MGLL: variants seen among roughly 807,000 people sequenced by gnomAD.
MGLL encodes monoglyceride lipase.
A neutral mutation model predicts 29.1 loss-of-function variants in MGLL; 7 were observed. The ratio of observed to expected loss-of-function variants is 0.24; its 90% CI spans 0.14 to 0.45. The LOEUF (loss-of-function observed/expected upper bound fraction) is 0.45. Ranked by LOEUF, MGLL falls within the 20% of genes least tolerant of loss-of-function variation. The pLI is 0.99. For synonymous variants in MGLL, 148 were observed against 168.3 expected (o/e 0.88, Z 0.93); for missense variants, 356 against 413.6 (o/e 0.86, Z 1.21).
chr3:127,774,396 C>T (rs2076998404), intron 3 of MGLL, among the ~76,000 whole-genome samples: 1 of 152,230 alleles, frequency 6.6e-6, no homozygotes, highest in Non-Finnish European at 1.5e-5. Flanking sequence ...CATAACACCT[C>T]TCCTTATTCA....
intron 3 of MGLL, among the ~76,000 whole-genome samples, chr3:127,774,175 G>C (rs1246448719): frequency 6.6e-6 from 1 of 152,190 alleles, no homozygotes; most frequent in Non-Finnish European, 1.5e-5. Context: ...ATCCTGGCTT[G>C]CTGGCGACCT....
At chr3:127,815,402 TG>T (rs1357415615) in intron 2 of MGLL, among the ~76,000 whole-genome samples, 2 of 152,252 alleles carry the variant, frequency 1.3e-5, no homozygotes, top group Non-Finnish European at 2.9e-5. Flanking sequence ...CAGAGACACC[TG>T]GGAGTCACCC....
intron 2 of MGLL, among the ~76,000 whole-genome samples, chr3:127,782,689 G>A (rs1020976424): frequency 6.6e-6 from 1 of 152,220 alleles, no homozygotes; most frequent in African/African-American, 2.4e-5. Flanking sequence ...TCTCCTTCAG[G>A]CACGGAGTAA....
chr3:127,757,417 T>G (rs984249830), intron 3 of MGLL, among the ~76,000 whole-genome samples: 4 of 152,168 alleles, frequency 2.6e-5, no homozygotes, highest in African/African-American at 9.7e-5. Flanking sequence ...CCTAGGCATA[T>G]CCCAGTGCCT....
chr3:127,759,850 C>G (rs970204071), intron 3 of MGLL, among the ~76,000 whole-genome samples: 1 of 152,216 alleles, frequency 6.6e-6, no homozygotes, highest in Non-Finnish European at 1.5e-5. Context: ...CTGAATAAAA[C>G]CTTTAAGTGA....
At chr3:127,743,594 A>T (rs2076385829) in intron 3 of MGLL, among the ~76,000 whole-genome samples, 1 of 150,484 alleles carries the variant, frequency 6.6e-6, no homozygotes, top group South Asian at 2.1e-4. Context: ...AAAAAAAAAA[A>T]AAAAAGTCCA....
chr3:127,720,794 G>A (rs923191884), intron 5 of MGLL, among the ~76,000 whole-genome samples: 12 of 152,162 alleles, frequency 7.9e-5, no homozygotes, highest in Non-Finnish European at 1.2e-4. Context: ...GTCTAACCTC[G>A]TCTCCTTTTA....
At chr3:127,796,545 T>C (rs1195094263) in intron 2 of MGLL, among the ~76,000 whole-genome samples, 2 of 152,226 alleles carry the variant, frequency 1.3e-5, no homozygotes, top group Non-Finnish European at 2.9e-5. Flanking sequence ...GAAACCTCCC[T>C]GCTGCGTGAT....
intron 5 of MGLL, among the ~76,000 whole-genome samples, chr3:127,719,588 G>A (rs915245074): frequency 2.0e-5 from 3 of 152,202 alleles, no homozygotes; most frequent in East Asian, 1.9e-4. Context: ...GGAACGCAGC[G>A]GGAACGCCCC....
intron 2 of MGLL, among the ~76,000 whole-genome samples, chr3:127,782,635 T>A (rs1008864376): frequency 1.3e-5 from 2 of 152,136 alleles, no homozygotes; most frequent in Non-Finnish European, 2.9e-5. Flanking sequence ...CTATCCAATT[T>A]TCAAGACCTA....
At chr3:127,727,349 T>G (rs2076064700) in intron 3 of MGLL, among the ~76,000 whole-genome samples, 1 of 152,226 alleles carries the variant, frequency 6.6e-6, no homozygotes, top group African/African-American at 2.4e-5. Flanking sequence ...TTAATTCTTT[T>G]TTTTTTACAT....
chr3:127,748,687 T>C (rs1237599695), intron 3 of MGLL, among the ~76,000 whole-genome samples: 5 of 151,930 alleles, frequency 3.3e-5, no homozygotes, highest in Non-Finnish European at 7.4e-5. Flanking sequence ...GAACCAGCCC[T>C]AGCAACACAT....
intron 2 of MGLL, among the ~76,000 whole-genome samples, chr3:127,810,010 G>C (rs533188125): frequency 6.6e-6 from 1 of 151,290 alleles, no homozygotes; most frequent in South Asian, 2.1e-4. Flanking sequence ...GGACTAGACT[G>C]TAAACAATTA....
chr3:127,802,366 G>A (rs997253743), intron 2 of MGLL, among the ~76,000 whole-genome samples: 2 of 152,136 alleles, frequency 1.3e-5, no homozygotes, highest in African/African-American at 2.4e-5. Context: ...CTGGTGCCCA[G>A]GTGCAATAAC....
intron 5 of MGLL, 87 bp downstream of exon 5, chr3:127,720,966 G>T: frequency 8.5e-7 from 1 of 1,180,190 alleles, no homozygotes; most frequent in Non-Finnish European, 1.3e-6. Context: ...ATGGCCTTTG[G>T]TCTTTTTACA....
rs183421694 is a variant in MGLL at position 127,782,913 on chromosome 3, G to A, written c.156-1018C>T. On this transcript the variant is annotated intron_variant, in intron 2 of 7. Transcript: ENST00000265052. ...ATAGAAGTTAAGTGAGTTGGGCCAGGCAAGGTGGCTCACACCTATAATCCC... is the reference window on the plus strand; with the variant it reads ...ATAGAAGTTAAGTGAGTTGGGCCAGACAAGGTGGCTCACACCTATAATCCC... Among the ~76,000 whole-genome samples the A allele has an allele frequency of 5.3e-5, 8 of 152,274 alleles. No individual in the cohort carries two copies. The South Asian group carries it at 1.0e-3, about 20-fold the overall frequency.
At chr3:127,797,975 C>G (rs2107732709) in intron 2 of MGLL, among the ~76,000 whole-genome samples, 1 of 152,338 alleles carries the variant, frequency 6.6e-6, no homozygotes, top group South Asian at 2.1e-4. Flanking sequence ...ACCTTCATCT[C>G]CAACTTTGCC....
intron 2 of MGLL, among the ~76,000 whole-genome samples, chr3:127,813,711 A>T (rs574777102): frequency 6.6e-6 from 1 of 152,268 alleles, no homozygotes; most frequent in African/African-American, 2.4e-5. Context: ...TGAGGGTGAC[A>T]CAGGACTCCC....
rs930756825 is a variant in MGLL, at chr3:127,810,046, T to A, written c.155+11648A>T. ...CCAACCCACATGGCCCCTGACTCTA[T>A]CATGGTTCCCAGCACAGCCTATACA... On this transcript the variant is annotated intron_variant, in intron 2 of 7. Coordinates refer to ENST00000265052, the MANE Select transcript of MGLL (RefSeq NM_007283.7). Among the ~76,000 whole-genome samples the A allele has an allele frequency of 3.9e-5, 6 of 152,286 alleles. No homozygotes were observed. In the South Asian group the frequency reaches 6.2e-4, roughly 16 times the overall value.
Sources: gnomAD v4.1 joint callset for allele counts (sites outside exome capture counted in the v4.1 genomes callset) on GRCh38, gnomAD v4.1.1 for gene constraint, MANE v1.5 for transcripts, NCBI Gene and HGNC (gene_info 2026-07-23, HGNC 2026-07-21) for gene names.